NCAM2: variants seen among roughly 807,000 people sequenced by gnomAD.
NCAM2 encodes the protein neural cell adhesion molecule 2.
Under a neutral mutation model 98.1 loss-of-function variants are expected in NCAM2, and 30 were observed. The observed-to-expected ratio is 0.31, with a 90% CI of 0.23 to 0.41. The LOEUF (loss-of-function observed/expected upper bound fraction) is 0.41. NCAM2 is among the 10% of genes least tolerant of loss of function. The pLI is 1.00. For missense variants in NCAM2, 867 were observed against 1,005.8 expected (o/e 0.86, Z 1.87); for synonymous variants, 368 against 342.4 (o/e 1.07, Z -0.83).
chr21:21,370,570 C>A (rs987594576), intron 8 of NCAM2, among the ~76,000 whole-genome samples: 1 of 151,634 alleles, frequency 6.6e-6, no homozygotes, highest in Non-Finnish European at 1.5e-5. Context: ...ATTTTTCTAG[C>A]CCCAGAACCC....
chr21:21,005,560 A>G (rs1358326172), intron 1 of NCAM2, among the ~76,000 whole-genome samples: 3 of 152,138 alleles, frequency 2.0e-5, no homozygotes, highest in African/African-American at 7.2e-5. Context: ...TTATTGGCCA[A>G]TTCTTCAGAA....
intron 1 of NCAM2, among the ~76,000 whole-genome samples, chr21:21,139,061 T>C (rs1376026024): frequency 2.6e-5 from 4 of 152,228 alleles, no homozygotes; most frequent in Non-Finnish European, 5.9e-5. Context: ...TCTTCGCTTA[T>C]GTAATTTAAC....
At chr21:21,227,460 T>C (rs2070434481) in intron 1 of NCAM2, among the ~76,000 whole-genome samples, 1 of 151,802 alleles carries the variant, frequency 6.6e-6, no homozygotes, top group African/African-American at 2.4e-5. Flanking sequence ...AGGATCTAAA[T>C]AATAACAAGA....
At chr21:21,132,565 G>A (rs1296971341) in intron 1 of NCAM2, among the ~76,000 whole-genome samples, 1 of 152,096 alleles carries the variant, frequency 6.6e-6, no homozygotes, top group Non-Finnish European at 1.5e-5. Flanking sequence ...AAGCACCTCA[G>A]TATTCTAATT....
chr21:21,003,575 C>T (rs919634743), intron 1 of NCAM2, among the ~76,000 whole-genome samples: 3 of 152,088 alleles, frequency 2.0e-5, no homozygotes, highest in Non-Finnish European at 4.4e-5. Flanking sequence ...TAGGCAGGCA[C>T]CTTACCAAAT....
intron 16 of NCAM2, among the ~76,000 whole-genome samples, chr21:21,518,059 T>A (rs1319964961): frequency 6.6e-6 from 1 of 152,132 alleles, no homozygotes; most frequent in Non-Finnish European, 1.5e-5. Context: ...ACATGTTGTG[T>A]GACATAAGTA....
chr21:21,202,269 G>A (rs1356321078), intron 1 of NCAM2, among the ~76,000 whole-genome samples: 2 of 152,072 alleles, frequency 1.3e-5, no homozygotes, highest in African/African-American at 4.8e-5. Context: ...TCTTAGTGTA[G>A]TTGTGATGAT....
intron 1 of NCAM2, among the ~76,000 whole-genome samples, chr21:21,065,815 GT>G: frequency 6.6e-6 from 1 of 152,074 alleles, no homozygotes; most frequent in Admixed American, 6.5e-5. Context: ...ATATGTAAGA[GT>G]TTTATGTCAA....
At chr21:21,286,133 A>G (rs1202964505) in intron 3 of NCAM2, 136 bp from the exon 4 acceptor site, 9 of 947,046 alleles carry the variant, frequency 9.5e-6, no homozygotes, top group Non-Finnish European at 1.4e-5. Context: ...TATCTAGTTT[A>G]AGATTTTAAA....
intron 15 of NCAM2, among the ~76,000 whole-genome samples, chr21:21,501,927 G>A (rs955117486): frequency 1.1e-4 from 16 of 151,918 alleles, no homozygotes; most frequent in African/African-American, 3.9e-4. Flanking sequence ...TCCCTGTGAA[G>A]TCCAACACTG....
chr21:21,028,008 C>T (rs2064590249), intron 1 of NCAM2, among the ~76,000 whole-genome samples: 2 of 152,036 alleles, frequency 1.3e-5, no homozygotes, highest in African/African-American at 4.8e-5. Flanking sequence ...GGATTACAGG[C>T]AGGCTCCACC....
intron 7 of NCAM2, among the ~76,000 whole-genome samples, chr21:21,336,851 G>C (rs1240430283): frequency 2.0e-5 from 3 of 152,198 alleles, no homozygotes; most frequent in Non-Finnish European, 2.9e-5. Flanking sequence ...ATTGAATAAA[G>C]AGAAGTATTG....
chr21:21,067,933 A>T (rs1347501696), intron 1 of NCAM2, among the ~76,000 whole-genome samples: 2 of 150,920 alleles, frequency 1.3e-5, no homozygotes, highest in Non-Finnish European at 2.9e-5. Context: ...AGGATACATT[A>T]AAAAAACTGA....
chr21:21,462,864 T>A (rs116876338), intron 12 of NCAM2, among the ~76,000 whole-genome samples: 2,685 of 152,226 alleles, frequency 0.018, 39 homozygotes, highest in South Asian at 0.041. Flanking sequence ...TTGTAAATCG[T>A]GCTGACTAAA....
At chr21:21,264,392 C>A (rs192664866) in intron 1 of NCAM2, among the ~76,000 whole-genome samples, 2 of 152,036 alleles carry the variant, frequency 1.3e-5, no homozygotes, top group Non-Finnish European at 2.9e-5. Context: ...TATACATCAT[C>A]AATGGGAATG....
intron 9 of NCAM2, among the ~76,000 whole-genome samples, chr21:21,387,970 T>G (rs953179368): frequency 1.3e-5 from 2 of 152,168 alleles, no homozygotes; most frequent in African/African-American, 4.8e-5. Flanking sequence ...AAAAACACAG[T>G]GTCATACGAT....
chr21:21,107,322 G>A (rs1372697047), intron 1 of NCAM2, among the ~76,000 whole-genome samples: 1 of 151,948 alleles, frequency 6.6e-6, no homozygotes, highest in African/African-American at 2.4e-5. Context: ...AAATGGTGGT[G>A]CAAAAAAATA....
chr21:21,222,994 A>T (rs1461559625), intron 1 of NCAM2, among the ~76,000 whole-genome samples: 1 of 152,170 alleles, frequency 6.6e-6, no homozygotes, highest in Non-Finnish European at 1.5e-5. Context: ...TGCAGCCATG[A>T]CGTTGATGCA....
intron 1 of NCAM2, among the ~76,000 whole-genome samples, chr21:20,998,945 G>T (rs2063969829): frequency 6.6e-6 from 1 of 152,020 alleles, no homozygotes; most frequent in Non-Finnish European, 1.5e-5. Flanking sequence ...AATTGGATGA[G>T]TGTGTTAACA....
Sources: allele counts gnomAD v4.1 joint callset (sites outside exome capture counted in the v4.1 genomes callset), GRCh38; gene constraint gnomAD v4.1.1; transcripts MANE v1.5; gene names NCBI Gene and HGNC (gene_info 2026-07-23, HGNC 2026-07-21).